The following TPMT variants were observed in gnomAD, a reference collection of about 807,000 sequenced individuals.
TPMT encodes the protein S-adenosyl-L-methionine:thiopurine S-methyltransferase.
TPMT carries 18 observed loss-of-function variants against 34.2 expected under a neutral mutation model. That is an observed-to-expected ratio of 0.53 (90% CI 0.36 to 0.78). TPMT has a LOEUF of 0.78. TPMT is among the 30% of genes least tolerant of loss of function. The pLI is 0.00. For synonymous variants in TPMT, 69 were observed against 92.4 expected (o/e 0.75, Z 1.45); for missense variants, 265 against 288.1 (o/e 0.92, Z 0.58).
chr6:18,137,240 C>G (rs539424576), intron 6 of TPMT, among the ~76,000 whole-genome samples: 1 of 152,142 alleles, frequency 6.6e-6, no homozygotes, highest in East Asian at 1.9e-4. Flanking sequence ...CGGGTTCAAG[C>G]AATTCTCCTG....
intron 6 of TPMT, among the ~76,000 whole-genome samples, chr6:18,137,164 A>G (rs549476259): frequency 3.3e-5 from 5 of 151,792 alleles, no homozygotes; most frequent in Admixed American, 3.3e-4. Context: ...TTTAGATGAA[A>G]TCTCACTCCG....
intron 1 of TPMT, among the ~76,000 whole-genome samples, chr6:18,151,585 T>G (rs113140875): frequency 0.021 from 3,111 of 147,820 alleles, 69 homozygotes; most frequent in African/African-American, 0.058. Context: ...TTTATTTATT[T>G]ATTTATTTAT....
Position 18,130,635 on chromosome 6 carries a change from T to C in TPMT, c.*33A>G, listed in dbSNP as rs371570274. 2 of 1,377,452 alleles carry C rather than the reference T, an allele frequency of 1.5e-6. No individual in the cohort carries two copies. Among genetic ancestry groups the C allele is most frequent in the South Asian group, 1.2e-5 (1 of 85,828 alleles). The allele number at this position is 1,377,452 out of a possible 1,614,324, so 85.3% of individuals were successfully genotyped here. ...CATAATTTTCAATTCCTCAAAAACA[T>C]GTCAGTGTGATTTTATTTTATCTAT... On this transcript the variant is annotated 3_prime_UTR_variant, in exon 9 of 9. Transcript: ENST00000309983. The surrounding 1 kb of genome is among the most constrained non-coding windows in gnomAD (Gnocchi z 4.2).
Position 18,131,737 on chromosome 6 carries a change from T to C in TPMT, c.625+396A>G, listed in dbSNP as rs768012045. On this transcript the variant is annotated intron_variant, in intron 8 of 8. Coordinates refer to ENST00000309983, the MANE Select transcript of TPMT (RefSeq NM_000367.5). This position sits in a 1 kb window ranked among gnomAD's most constrained non-coding sequence, Gnocchi z 4.3. ...AATAAAATGGTCTTTATCTTTTAAA[T>C]TTTATAGACATACTCTAGATACTAA... Among the ~76,000 whole-genome samples the C allele has an allele frequency of 2.6e-5, 4 of 152,162 alleles. No homozygotes were observed. Among genetic ancestry groups the C allele is most frequent in the Non-Finnish European group, 4.4e-5 (3 of 68,040 alleles).
chr6:18,139,161 G>A lies in TPMT; in HGVS notation c.420-124C>T, dbSNP rs140542140. On this transcript the variant is annotated intron_variant, in intron 5 of 8. Transcript: ENST00000309983. This position sits in a 1 kb window ranked among gnomAD's most constrained non-coding sequence, Gnocchi z 4.2. ...CAAGGTATTAGGATCTCACGTCTGC[G>A]TTTCCTCCTAGAGGAATGTGTGGAC... 836 of 897,598 alleles carry A rather than the reference G, an allele frequency of 9.3e-4. 4 individuals are homozygous for A. Among genetic ancestry groups the A allele is most frequent in the South Asian group, 2.4e-3 (177 of 74,024 alleles). 55.6% of individuals were successfully genotyped at this position (897,598 alleles called of 1,614,324 possible).
chr6:18,132,297 G>A lies in TPMT; in HGVS notation c.581-120C>T, dbSNP rs1783960933. The stretch of plus-strand genomic sequence containing the variant: ...GGCATGTTCTTCTCATTCTTCTTTT[G>A]CAAATCTCATACTAAAGAAATAAAT... On this transcript the variant is annotated intron_variant, in intron 7 of 8. Transcript: ENST00000309983. This position sits in a 1 kb window ranked among gnomAD's most constrained non-coding sequence, Gnocchi z 4.8. The A allele has an allele frequency of 1.0e-6, 1 of 953,272 alleles. No homozygotes were observed. The highest frequency in any genetic ancestry group is 2.0e-5 in the Admixed American group (1 of 49,202). The allele number at this position is 953,272 out of a possible 1,614,324, so 59.1% of individuals were successfully genotyped here.
chr6:18,147,018 G>C (rs1335885569), intron 3 of TPMT, among the ~76,000 whole-genome samples: 1 of 151,880 alleles, frequency 6.6e-6, no homozygotes, highest in Non-Finnish European at 1.5e-5. Context: ...TCAAATTCCT[G>C]GGCTCAAGAG....
Position 18,145,404 on chromosome 6 carries a change from G to T in TPMT, c.234-1676C>A, listed in dbSNP as rs548924355. 6.6e-6 allele frequency among the ~76,000 whole-genome samples: 1 copy of T among 152,302 alleles called. No individual in the cohort carries two copies. The highest frequency in any genetic ancestry group is 2.4e-5 in the African/African-American group (1 of 41,568). ...GGTGCATTCCATCTATTCATACCTGGTTTAGTTCAACTGGGTGCAGTTTTC... is the reference window on the plus strand; with the variant it reads ...GGTGCATTCCATCTATTCATACCTGTTTTAGTTCAACTGGGTGCAGTTTTC... On this transcript the variant is annotated intron_variant, in intron 3 of 8. Coordinates refer to ENST00000309983, the MANE Select transcript of TPMT (RefSeq NM_000367.5). This position sits in a 1 kb window ranked among gnomAD's most constrained non-coding sequence, Gnocchi z 5.6.
At position 18,132,091 on chromosome 6, in the gene TPMT, T is replaced by A; in HGVS notation, c.625+42A>T. ...CACGCCAGGCCCAAAAGAGTTAACTTGACTTTGTTTAAAAAGTTACAGCAT... is the reference window on the plus strand; with the variant it reads ...CACGCCAGGCCCAAAAGAGTTAACTAGACTTTGTTTAAAAAGTTACAGCAT... On this transcript the variant is annotated intron_variant, in intron 8 of 8. Transcript: ENST00000309983. This position sits in a 1 kb window ranked among gnomAD's most constrained non-coding sequence, Gnocchi z 4.8. The A allele has an allele frequency of 6.2e-7, 1 of 1,610,440 alleles. No homozygotes were observed.
Position 18,131,440 on chromosome 6 carries a change from C to T in TPMT, c.626-660G>A, listed in dbSNP as rs571613254. Among the ~76,000 whole-genome samples, 1 of 152,116 alleles carries T rather than the reference C, an allele frequency of 6.6e-6. No individual in the cohort carries two copies. The highest frequency in any genetic ancestry group is 2.1e-4 in the South Asian group (1 of 4,820). On this transcript the variant is annotated intron_variant, in intron 8 of 8. Transcript: ENST00000309983. This position sits in a 1 kb window ranked among gnomAD's most constrained non-coding sequence, Gnocchi z 4.3. ...CAAAAAAATAGAAAAATTAGCTAAG[C>T]ATTGTGGTGCATGCCTCTGGTCCCA... is the stretch of plus-strand genomic sequence containing the variant.
chr6:18,152,412 T>G (rs1784368939), intron 1 of TPMT, among the ~76,000 whole-genome samples: 1 of 152,148 alleles, frequency 6.6e-6, no homozygotes, highest in African/African-American at 2.4e-5. Context: ...GAACCATAGT[T>G]CAATATCCTA....
In TPMT at chr6:18,136,384, A is replaced by G. The variant is rs1393190327; in HGVS notation, c.495-2495T>C. ...CAGAGCTGGAAATGTAAAGACTGTC[A>G]GAGCGAATACCATGTATAATCTGTT... On this transcript the variant is annotated intron_variant, in intron 6 of 8. Transcript: ENST00000309983. The surrounding 1 kb of genome is among the most constrained non-coding windows in gnomAD (Gnocchi z 4.7). Among the ~76,000 whole-genome samples, 2 of 152,206 alleles carry G rather than the reference A, an allele frequency of 1.3e-5. No individual in the cohort carries two copies. The highest frequency in any genetic ancestry group is 3.9e-4 in the East Asian group (2 of 5,194).
chr6:18,139,862 T>G lies in TPMT; in HGVS notation c.367-145A>C, dbSNP rs983960244. On this transcript the variant is annotated intron_variant, in intron 4 of 8. Coordinates refer to ENST00000309983, the MANE Select transcript of TPMT (RefSeq NM_000367.5). The surrounding 1 kb of genome is among the most constrained non-coding windows in gnomAD (Gnocchi z 4.2). ...ATTAAAGTAAATAATTTTACTGCAC[T>G]TTATTGGCACCTTATTTTTTTCTTT... is the stretch of plus-strand genomic sequence containing the variant. The G allele has an allele frequency of 3.3e-6, 2 of 613,792 alleles. No individual in the cohort carries two copies. Among genetic ancestry groups the G allele is most frequent in the African/African-American group, 1.9e-5 (1 of 53,764 alleles). The allele number at this position is 613,792 out of a possible 1,614,324, so 38.0% of individuals were successfully genotyped here. A position where few individuals can be genotyped will look rare whatever the true frequency, so the allele number is the denominator to read the frequency against.
rs1056001029 is a variant in TPMT at position 18,129,854 on chromosome 6, G to T, written c.*814C>A. The T allele has an allele frequency of 1.3e-5, 2 of 152,274 alleles. No homozygotes were observed. The highest frequency in any genetic ancestry group is 3.9e-4 in the East Asian group (2 of 5,192). The allele number at this position is 152,274 out of a possible 1,614,324, so 9.4% of individuals were successfully genotyped here. On this transcript the variant is annotated 3_prime_UTR_variant, in exon 9 of 9. Transcript: ENST00000309983. ...TTCTTGATTCTGTTATATACATGGA[G>T]AAACCATGTGAAAAGGGATGCTAGG... is the stretch of plus-strand genomic sequence containing the variant.
chr6:18,148,186 A>C lies in TPMT; in HGVS notation c.141-271T>G, dbSNP rs1784284075. Reference sequence around the variant, plus strand: ...TTTGAAAATTCTTTATTAATTCTCTAAATATGTACTATTTTGGGGGTGATG... The same window carrying C: ...TTTGAAAATTCTTTATTAATTCTCTCAATATGTACTATTTTGGGGGTGATG... On this transcript the variant is annotated intron_variant, in intron 2 of 8. Coordinates refer to ENST00000309983, the MANE Select transcript of TPMT (RefSeq NM_000367.5). This position sits in a 1 kb window ranked among gnomAD's most constrained non-coding sequence, Gnocchi z 4.1. 2.0e-5 allele frequency among the ~76,000 whole-genome samples: 3 copies of C among 152,070 alleles called. No homozygotes were observed. Among genetic ancestry groups the C allele is most frequent in the Admixed American group, 2.0e-4 (3 of 15,258 alleles).
rs918783562 is a variant in TPMT, at chr6:18,132,193, A to G, written c.581-16T>C. ...AATGGTGGACCTAGGTAAAAGAGAA[A>G]TAAATTCTGAGTTTATTTCCAATGA... On this transcript the variant is annotated splice_polypyrimidine_tract_variant and intron_variant, in intron 7 of 8. Coordinates refer to ENST00000309983, the MANE Select transcript of TPMT (RefSeq NM_000367.5). This position sits in a 1 kb window ranked among gnomAD's most constrained non-coding sequence, Gnocchi z 4.8. 2 of 1,613,226 alleles carry G rather than the reference A, an allele frequency of 1.2e-6. No individual in the cohort carries two copies. The highest frequency in any genetic ancestry group is 2.7e-5 in the African/African-American group (2 of 74,938).
In TPMT at chr6:18,136,680, C is replaced by G. The variant is rs915851617; in HGVS notation, c.494+2283G>C. ...AAAAAATTAGCCGGGTGTGGTGGAG[C>G]ATGCCTATAATCCCAGCTACCTGGG... is the stretch of plus-strand genomic sequence containing the variant. On this transcript the variant is annotated intron_variant, in intron 6 of 8. Coordinates refer to ENST00000309983, the MANE Select transcript of TPMT (RefSeq NM_000367.5). The surrounding 1 kb of genome is among the most constrained non-coding windows in gnomAD (Gnocchi z 4.7). Among the ~76,000 whole-genome samples the G allele has an allele frequency of 3.3e-5, 5 of 152,156 alleles. No individual in the cohort carries two copies. The highest frequency in any genetic ancestry group is 5.9e-5 in the Non-Finnish European group (4 of 68,036).
At position 18,150,372 on chromosome 6, in the gene TPMT, C is replaced by A. The variant is rs1241284903; in HGVS notation, c.-44-1201G>T. Among the ~76,000 whole-genome samples the A allele has an allele frequency of 1.3e-5, 2 of 152,326 alleles. No individual in the cohort carries two copies. Among genetic ancestry groups the A allele is most frequent in the Admixed American group, 1.3e-4 (2 of 15,288 alleles). The stretch of plus-strand genomic sequence containing the variant: ...TATTGTACTTACTCCTAATTCAACT[C>A]TAAATTCTGCCAATTGTCCCAATTT... On this transcript the variant is annotated intron_variant, in intron 1 of 8. Coordinates refer to ENST00000309983, the MANE Select transcript of TPMT (RefSeq NM_000367.5). The surrounding 1 kb of genome is among the most constrained non-coding windows in gnomAD (Gnocchi z 5.3).
rs1420845478 is a variant in TPMT at position 18,146,076 on chromosome 6, G to C, written c.233+1747C>G. 1.3e-5 allele frequency among the ~76,000 whole-genome samples: 2 copies of C among 152,046 alleles called. No homozygotes were observed. Among genetic ancestry groups the C allele is most frequent in the Non-Finnish European group, 2.9e-5 (2 of 68,026 alleles). ...TCTATTCACATCTCATGTCTGTATA[G>C]ACCTCAATACATAGATCAGTTACAT... is the stretch of plus-strand genomic sequence containing the variant. On this transcript the variant is annotated intron_variant, in intron 3 of 8. Transcript: ENST00000309983. The surrounding 1 kb of genome is among the most constrained non-coding windows in gnomAD (Gnocchi z 6.2).
Sources: gnomAD v4.1 joint callset for allele counts (sites outside exome capture counted in the v4.1 genomes callset) on GRCh38, gnomAD v4.1.1 for gene constraint, Gnocchi (gnomAD v3.1) non-coding constraint, MANE v1.5 for transcripts, NCBI Gene and HGNC (gene_info 2026-07-23, HGNC 2026-07-21) for gene names.